TENM1: variants seen among roughly 807,000 people sequenced by gnomAD.
TENM1 encodes teneurin-1.
A neutral mutation model predicts 174.8 loss-of-function variants in TENM1; 35 were observed. That is an observed-to-expected ratio of 0.20 (90% CI 0.15 to 0.27). TENM1 has a LOEUF of 0.27. TENM1 is among the 10% of genes least tolerant of loss of function. The pLI, the probability that TENM1 is intolerant of heterozygous loss-of-function variation, is 1.00. For missense variants in TENM1, 1,633 were observed against 2,130.1 expected (o/e 0.77, Z 4.59); for synonymous variants, 781 against 798.7 (o/e 0.98, Z 0.37).
intron 28 of TENM1, among the ~76,000 whole-genome samples, chrX:124,388,356 T>C (rs2060247217): frequency 8.9e-6 from 1 of 112,220 alleles, no homozygotes; most frequent in South Asian, 3.7e-4. Context: ...GTGCTGATGC[T>C]GGGCTGTCTC....
At chrX:124,841,621 TAA>T (rs761346749) in intron 3 of TENM1, among the ~76,000 whole-genome samples, 1,150 of 83,033 alleles carry the variant, frequency 0.014, 18 homozygotes, top group African/African-American at 0.047. Context: ...TGTGAATGAT[TAA>T]AAAAAAAAAA....
the TENM1 span, among the ~76,000 whole-genome samples, chrX:125,115,417 G>C: frequency 3.6e-5 from 4 of 110,861 alleles, no homozygotes; most frequent in Non-Finnish European, 7.6e-5. Context: ...AGAAATGAAG[G>C]GTATTCAAAT....
intron 3 of TENM1, among the ~76,000 whole-genome samples, chrX:124,787,778 C>T (rs2055075603): frequency 8.9e-6 from 1 of 112,356 alleles, no homozygotes; most frequent in African/African-American, 3.2e-5. Flanking sequence ...ATTTACAATG[C>T]TTAAGAATGC....
At chrX:124,735,672 C>G (rs956210750) in intron 4 of TENM1, among the ~76,000 whole-genome samples, 7 of 111,642 alleles carry the variant, frequency 6.3e-5, no homozygotes, top group Admixed American at 5.7e-4. Context: ...AGAGCAAAAT[C>G]ATGGAATCAA....
intron 1 of TENM1, among the ~76,000 whole-genome samples, chrX:124,908,636 C>T (rs575904306): frequency 4.5e-5 from 5 of 110,835 alleles, no homozygotes; most frequent in South Asian, 7.9e-4. Context: ...AATAAACATA[C>T]GTGTGCATGT....
At chrX:124,447,464 C>T (rs1403964857) in intron 23 of TENM1, among the ~76,000 whole-genome samples, 4 of 111,876 alleles carry the variant, frequency 3.6e-5, no homozygotes, top group African/African-American at 1.3e-4. Context: ...CCCAGCCAAA[C>T]ATCTCAAAGA....
At chrX:125,068,890 AGCTGG>A in the TENM1 span, among the ~76,000 whole-genome samples, 29 of 112,507 alleles carry the variant, frequency 2.6e-4, no homozygotes, top group African/African-American at 9.3e-4. Flanking sequence ...GGTCCAGGAT[AGCTGG>A]ACTATAGCCT....
intron 6 of TENM1, among the ~76,000 whole-genome samples, chrX:124,656,342 G>T (rs2051443080): frequency 8.9e-6 from 1 of 111,895 alleles, no homozygotes; most frequent in African/African-American, 3.2e-5. Flanking sequence ...TGTGTTGTTG[G>T]GCTTCTCTGT....
At chrX:125,126,330 G>A in the TENM1 span, among the ~76,000 whole-genome samples, 1 of 111,392 alleles carries the variant, frequency 9.0e-6, no homozygotes. Context: ...TTGTTCCAGT[G>A]GTATTAATGA....
intron 6 of TENM1, among the ~76,000 whole-genome samples, chrX:124,660,739 G>A (rs2051579525): frequency 8.9e-6 from 1 of 111,965 alleles, no homozygotes; most frequent in Non-Finnish European, 1.9e-5. Context: ...TAAGGATGTG[G>A]AGAACTGGTA....
At chrX:124,487,317 C>A in intron 20 of TENM1, 88 bp from the exon 24 acceptor site, 1 of 847,684 alleles carries the variant, frequency 1.2e-6, no homozygotes, top group Admixed American at 2.8e-5. Context: ...TAACCAGACA[C>A]ACCAATTCCT....
At chrX:124,571,996 C>T (rs765988353) in intron 11 of TENM1, among the ~76,000 whole-genome samples, 53 of 109,550 alleles carry the variant, frequency 4.8e-4, no homozygotes, top group Non-Finnish European at 9.1e-4. Flanking sequence ...TCTATTTTGC[C>T]CAGACTGGAC....
intron 14 of TENM1, among the ~76,000 whole-genome samples, chrX:124,552,515 C>A (rs1320901065): frequency 5.4e-5 from 6 of 111,660 alleles, no homozygotes; most frequent in African/African-American, 2.0e-4. Flanking sequence ...ATTATTGTTG[C>A]TATAACCACA....
intron 3 of TENM1, among the ~76,000 whole-genome samples, chrX:124,818,958 A>G (rs927878121): frequency 8.9e-6 from 1 of 111,844 alleles, no homozygotes; most frequent in Non-Finnish European, 1.9e-5. Context: ...AACAAACTAA[A>G]CAATTTGCCT....
At chrX:124,420,666 T>C in exon 25 of TENM1, 5 of 1,211,716 alleles carry the variant, frequency 4.1e-6, no homozygotes, top group Non-Finnish European at 5.6e-6. Flanking sequence ...GGTGAAGCAA[T>C]CTCATAAATG....
exon 1 of TENM1, chrX:124,963,587 T>C: frequency 5.8e-6 from 7 of 1,212,135 alleles, no homozygotes; most frequent in Non-Finnish European, 7.8e-6. Context: ...GCTATTGTAA[T>C]TCATCCTCAG....
chrX:124,800,499 T>G (rs993205150), intron 3 of TENM1, among the ~76,000 whole-genome samples: 3 of 111,421 alleles, frequency 2.7e-5, no homozygotes, highest in Non-Finnish European at 3.8e-5. Context: ...TTCTTCTTTA[T>G]TAGTCTAGTT....
chrX:124,399,605 A>T (rs747233626), intron 27 of TENM1, among the ~76,000 whole-genome samples: 3 of 112,325 alleles, frequency 2.7e-5, no homozygotes, highest in Non-Finnish European at 5.6e-5. Context: ...ATTAATGCTC[A>T]TATACAGGTG....
chrX:124,796,682 A>G (rs1015355287), intron 3 of TENM1, among the ~76,000 whole-genome samples: 6 of 111,623 alleles, frequency 5.4e-5, no homozygotes, highest in African/African-American at 1.6e-4. Flanking sequence ...AAGATATGGT[A>G]TATCAGGCAG....
Sources: allele counts gnomAD v4.1 joint callset (sites outside exome capture counted in the v4.1 genomes callset), GRCh38; gene constraint gnomAD v4.1.1; transcripts MANE v1.5; gene names NCBI Gene and HGNC (gene_info 2026-07-23, HGNC 2026-07-21).